PDE1C: variants seen among roughly 807,000 people sequenced by gnomAD.
PDE1C encodes dual specificity calcium/calmodulin-dependent 3',5'-cyclic nucleotide phosphodiesterase 1C.
In PDE1C, 62 loss-of-function variants were observed where a neutral mutation model predicts 93.1. The observed-to-expected ratio is 0.67, with a 90% CI of 0.54 to 0.82. The LOEUF (loss-of-function observed/expected upper bound fraction) is 0.82, where lower values mean the gene tolerates loss of function less well. PDE1C is among the 40% of genes least tolerant of loss of function. PDE1C has a pLI of 0.00. For missense variants in PDE1C, 742 were observed against 884.6 expected, an observed-to-expected ratio of 0.84 and a Z score of 2.04; for synonymous variants, 325 against 310.1, an observed-to-expected ratio of 1.05 and a Z score of -0.50.
chr7:32,218,948 C>T (rs914488320), intron 1 of PDE1C, among the ~76,000 whole-genome samples: 6 of 152,164 alleles, frequency 3.9e-5, no homozygotes, highest in African/African-American at 1.4e-4. Flanking sequence ...ATGGATGTAA[C>T]CTCATCCTCA....
chr7:32,243,159 A>G (rs958267393), intron 1 of PDE1C, among the ~76,000 whole-genome samples: 2 of 152,186 alleles, frequency 1.3e-5, no homozygotes, highest in African/African-American at 2.4e-5. Context: ...TGCCTAGATC[A>G]CACAGGTACT....
At chr7:32,237,643 C>G (rs548052935) in intron 1 of PDE1C, among the ~76,000 whole-genome samples, 2 of 150,120 alleles carry the variant, frequency 1.3e-5, no homozygotes, top group African/African-American at 4.9e-5. Flanking sequence ...AGAGAATCTA[C>G]TAGACACCTA....
chr7:31,677,113 T>C, the PDE1C span, among the ~76,000 whole-genome samples: 1 of 152,316 alleles, frequency 6.6e-6, no homozygotes, highest in African/African-American at 2.4e-5. Context: ...AAAGCAGAGA[T>C]GGAAGTCTAA....
At chr7:32,196,211 G>A (rs933859482) in intron 2 of PDE1C, among the ~76,000 whole-genome samples, 4 of 152,168 alleles carry the variant, frequency 2.6e-5, no homozygotes, top group Admixed American at 2.6e-4. Flanking sequence ...GCCTTGTGAG[G>A]GTGGACATCC....
intron 1 of PDE1C, among the ~76,000 whole-genome samples, chr7:32,214,458 A>G (rs1806279579): frequency 6.6e-6 from 1 of 152,106 alleles, no homozygotes; most frequent in South Asian, 2.1e-4. Context: ...ACCCCAGACC[A>G]ATTACACAGG....
Position 32,310,570 on chromosome 7 carries a change from A to G in PDE1C, c.311-101031T>C, listed in dbSNP as rs566718243. Among the ~76,000 whole-genome samples the G allele has an allele frequency of 3.1e-3, 465 of 152,364 alleles. 3 individuals are homozygous for G. The highest frequency in any genetic ancestry group is 0.01 in the African/African-American group (434 of 41,586). On this transcript the variant is annotated intron_variant, in intron 1 of 1. Transcript: ENST00000672256. ...AAACTGTCTCTCAGACCACAGTGCAATCAAACTAGAACTGAGGACTAAGAA... is the reference window on the plus strand; with the variant it reads ...AAACTGTCTCTCAGACCACAGTGCAGTCAAACTAGAACTGAGGACTAAGAA...
chr7:31,943,635 C>T (rs1033659451), intron 2 of PDE1C, among the ~76,000 whole-genome samples: 2 of 152,108 alleles, frequency 1.3e-5, no homozygotes, highest in Non-Finnish European at 2.9e-5. Flanking sequence ...AACCCATGAA[C>T]AATGACTAAT....
At chr7:31,982,928 C>CA (rs1358648443) in intron 2 of PDE1C, among the ~76,000 whole-genome samples, 2 of 152,064 alleles carry the variant, frequency 1.3e-5, no homozygotes, top group African/African-American at 2.4e-5. Context: ...AGCTCCATGC[C>CA]AAAAAAATTA....
chr7:32,333,104 T>C (rs1783545910), intron 1 of PDE1C, among the ~76,000 whole-genome samples: 1 of 152,184 alleles, frequency 6.6e-6, no homozygotes, highest in Non-Finnish European at 1.5e-5. Context: ...GGCAATGTGG[T>C]TACAATAAAT....
chr7:32,297,408 A>G (rs949954699), intron 1 of PDE1C, among the ~76,000 whole-genome samples: 12 of 152,132 alleles, frequency 7.9e-5, no homozygotes, highest in Non-Finnish European at 1.6e-4. Context: ...AGTACTTCCA[A>G]AAGTAGGAAT....
chr7:31,801,490 G>T (rs79749959), intron 16 of PDE1C, among the ~76,000 whole-genome samples: 11,508 of 151,354 alleles, frequency 0.076, 462 homozygotes, highest in South Asian at 0.13. Context: ...CTATGGTTGG[G>T]TATTCTAGGA....
rs796122014 is a variant in PDE1C, at chr7:32,341,173, C to CTATTTTTTTTTTTTTTTTTTTTT, written c.310+86648_310+86649insAAAAAAAAAAAAAAAAAAAAATA. On this transcript the variant is annotated intron_variant, in intron 1 of 1. Transcript: ENST00000672256. ...CCTAAAACTACTCTAGAAATAAAGT[C>CTATTTTTTTTTTTTTTTTTTTTT]TTTTTTTTTTTTTTTTTTTTGAGAC... Among the ~76,000 whole-genome samples, 17 of 84,952 alleles carry CTATTTTTTTTTTTTTTTTTTTTT rather than the reference C, an allele frequency of 2.0e-4. 1 individual carries two copies. The highest frequency in any genetic ancestry group is 6.1e-4 in the African/African-American group (14 of 23,012). 55.7% of individuals were successfully genotyped at this position (84,952 alleles called of 152,430 possible). A position where few individuals can be genotyped will look rare whatever the true frequency, so the allele number is the denominator to read the frequency against.
chr7:32,102,023 C>G (rs988842035), intron 3 of PDE1C, among the ~76,000 whole-genome samples: 2 of 152,148 alleles, frequency 1.3e-5, no homozygotes, highest in Admixed American at 1.3e-4. Context: ...AGTGAGAACA[C>G]ACTTATTACT....
downstream of PDE1C, among the ~76,000 whole-genome samples, chr7:31,750,000 T>C (rs1235135788): frequency 1.3e-5 from 2 of 152,150 alleles, no homozygotes; most frequent in East Asian, 1.9e-4. Context: ...CCTCCCAAAG[T>C]GCTGGGATTA....
chr7:31,872,356 C>A (rs1175446366), intron 6 of PDE1C, among the ~76,000 whole-genome samples: 1 of 151,992 alleles, frequency 6.6e-6, no homozygotes. Context: ...ATGTATTGTG[C>A]ATTTCAAAAT....
intron 1 of PDE1C, among the ~76,000 whole-genome samples, chr7:32,059,636 C>T (rs1794560501): frequency 6.6e-6 from 1 of 152,294 alleles, no homozygotes; most frequent in Middle Eastern, 3.4e-3. Flanking sequence ...TTAAGAAGCC[C>T]TAAATGGGAC....
At chr7:32,138,447 C>T (rs1382107529) in intron 3 of PDE1C, among the ~76,000 whole-genome samples, 1 of 152,078 alleles carries the variant, frequency 6.6e-6, no homozygotes, top group African/African-American at 2.4e-5. Context: ...TGTTCTCCCA[C>T]CAAACCTTCA....
the PDE1C span, among the ~76,000 whole-genome samples, chr7:31,616,788 A>ACC: frequency 1.4e-5 from 2 of 142,410 alleles, no homozygotes; most frequent in African/African-American, 5.5e-5. Flanking sequence ...AGGTTTCTAA[A>ACC]TTTCATTTTT....
intron 1 of PDE1C, among the ~76,000 whole-genome samples, chr7:32,228,664 C>T (rs1402681654): frequency 6.6e-6 from 1 of 152,186 alleles, no homozygotes; most frequent in Admixed American, 6.5e-5. Flanking sequence ...CTTCCAAAGA[C>T]TTCCCACAGC....
Sources: allele counts gnomAD v4.1 joint callset (sites outside exome capture counted in the v4.1 genomes callset), GRCh38; gene constraint gnomAD v4.1.1; transcripts MANE v1.5; gene names NCBI Gene and HGNC (gene_info 2026-07-23, HGNC 2026-07-21).